SLIT3: variants seen among roughly 807,000 people sequenced by gnomAD.
SLIT3 encodes slit guidance ligand 3, also known as slit homolog 3 protein.
SLIT3 carries 68 observed loss-of-function variants against 184.0 expected under a neutral mutation model. The observed-to-expected ratio is 0.37, with a 90% CI of 0.30 to 0.45. The LOEUF is 0.45. Among genes scored for constraint, SLIT3 ranks in the 20% least tolerant of loss-of-function variants. SLIT3 has a pLI of 1.00. For missense variants in SLIT3, 1,707 were observed against 2,026.0 expected (o/e 0.84, Z 3.02); for synonymous variants, 831 against 828.6 (o/e 1.00, Z -0.05).
At chr5:168,921,203 C>T (rs767105147) in intron 4 of SLIT3, among the ~76,000 whole-genome samples, 1 of 152,206 alleles carries the variant, frequency 6.6e-6, no homozygotes, top group Non-Finnish European at 1.5e-5. Flanking sequence ...AAATAGCTCT[C>T]CTTTCCTTGC....
chr5:169,150,708 T>C (rs1000709347), intron 4 of SLIT3, among the ~76,000 whole-genome samples: 8 of 152,188 alleles, frequency 5.3e-5, no homozygotes, highest in Non-Finnish European at 7.3e-5. Context: ...GTTTTAATAC[T>C]AATGCATTGT....
chr5:169,286,143 A>G (rs1767143820), intron 1 of SLIT3, among the ~76,000 whole-genome samples: 1 of 152,124 alleles, frequency 6.6e-6, no homozygotes, highest in African/African-American at 2.4e-5. Context: ...CATGCCTAAG[A>G]TTACTTAGCT....
chr5:168,703,002 G>A (rs907976711), intron 26 of SLIT3, among the ~76,000 whole-genome samples: 3 of 152,138 alleles, frequency 2.0e-5, no homozygotes, highest in African/African-American at 7.2e-5. Flanking sequence ...AGCCCTTTAC[G>A]CCAAGCACAG....
rs749481467 is a variant in SLIT3, at chr5:168,883,342, C to G, written c.414-6G>C. The G allele has an allele frequency of 1.2e-6, 2 of 1,612,114 alleles. No homozygotes were observed. The highest frequency in any genetic ancestry group is 3.3e-5 in the Admixed American group (2 of 60,020). ...TCTGGTTTTCACTCAAATCTCTAAA[C>G]AAGAAGAGAAGAGGCACACTGCATT... On this transcript the variant is annotated splice_polypyrimidine_tract_variant and splice_region_variant and intron_variant, in intron 4 of 35. Transcript: ENST00000519560.
intron 1 of SLIT3, among the ~76,000 whole-genome samples, chr5:169,281,201 G>A (rs1766980692): frequency 6.6e-6 from 1 of 152,184 alleles, no homozygotes; most frequent in Non-Finnish European, 1.5e-5. Flanking sequence ...AAAATGGTAG[G>A]GGGAGGCTGG....
rs553067721 is a variant in SLIT3, at chr5:168,910,965, A to G, written c.414-27629T>C. On this transcript the variant is annotated intron_variant, in intron 4 of 35. Coordinates refer to ENST00000519560, the MANE Select transcript of SLIT3 (RefSeq NM_003062.4). ...CCTCATGCCTTTTTGTAAAGAAAAC[A>G]CTCATGAAAATATTAGACCTTAGAA... 2.0e-5 allele frequency among the ~76,000 whole-genome samples: 3 copies of G among 152,144 alleles called. No individual in the cohort carries two copies. The East Asian group carries it at 5.8e-4, about 29-fold the overall frequency.
intron 23 of SLIT3, among the ~76,000 whole-genome samples, chr5:168,714,336 G>A (rs1300847500): frequency 2.6e-5 from 4 of 152,182 alleles, no homozygotes; most frequent in Non-Finnish European, 5.9e-5. Flanking sequence ...CCCTGGAGAG[G>A]CATGAGGCCT....
intron 4 of SLIT3, chr5:169,022,170 G>A (rs1171198228): frequency 6.6e-6 from 1 of 152,264 alleles, no homozygotes; most frequent in Non-Finnish European, 1.5e-5. Flanking sequence ...ATGGCAATGA[G>A]CGGCATCGCC....
At chr5:168,948,180 C>A (rs1267867269) in intron 4 of SLIT3, among the ~76,000 whole-genome samples, 1 of 152,160 alleles carries the variant, frequency 6.6e-6, no homozygotes, top group East Asian at 1.9e-4. Flanking sequence ...TCTGCCGGAC[C>A]TGACGCGCCA....
chr5:169,081,817 C>T (rs1031224757), intron 4 of SLIT3, among the ~76,000 whole-genome samples: 1 of 152,208 alleles, frequency 6.6e-6, no homozygotes, highest in African/African-American at 2.4e-5. Context: ...GTGCTTTGCT[C>T]TTACATACAC....
chr5:169,238,521 T>G (rs1250969143), intron 3 of SLIT3, among the ~76,000 whole-genome samples: 2 of 150,330 alleles, frequency 1.3e-5, no homozygotes, highest in Admixed American at 1.3e-4. Flanking sequence ...CCCTGTAGTT[T>G]TAGAATGGAG....
chr5:168,733,246 T>A (rs1289873209), intron 20 of SLIT3, among the ~76,000 whole-genome samples: 3 of 152,054 alleles, frequency 2.0e-5, no homozygotes, highest in Non-Finnish European at 1.5e-5. Flanking sequence ...AGATACCATA[T>A]CATATCAGCA....
intron 4 of SLIT3, among the ~76,000 whole-genome samples, chr5:169,006,578 T>TTCTCTC (rs369079733): frequency 0.013 from 1,752 of 140,124 alleles, 13 homozygotes; most frequent in Non-Finnish European, 0.013. Context: ...TTTCCCCCTC[T>TTCTCTC]TCTCTCTCTC....
At position 168,823,313 on chromosome 5, in the gene SLIT3, G is replaced by A; in HGVS notation, c.576C>T (p.Asn192=). 6.2e-7 allele frequency: 1 copy of A among 1,610,732 alleles called. No homozygotes were observed. Among genetic ancestry groups the A allele is most frequent in the Non-Finnish European group, 8.5e-7 (1 of 1,177,024 alleles). ...DLEILTLNNN[N]ISRILVTSFN... ...AGCTGGTGACCAGGATGCGACTGAT[G>A]TTGTTGTTGTTGAGGGTACTGTGGA... The change falls in exon 7 of 36, where the codon AAC becomes AAT. Residue 192 remains asparagine, a synonymous_variant. Transcript: ENST00000519560.
chr5:168,779,840 TAAC>T (rs1561928757), intron 12 of SLIT3, among the ~76,000 whole-genome samples: 1 of 152,124 alleles, frequency 6.6e-6, no homozygotes, highest in Non-Finnish European at 1.5e-5. Flanking sequence ...GGGGTCCAGG[TAAC>T]ATGGGGAGAT....
intron 35 of SLIT3, among the ~76,000 whole-genome samples, 167 bp downstream of exon 35, chr5:168,669,616 T>C (rs560257990): frequency 6.6e-6 from 1 of 152,162 alleles, no homozygotes; most frequent in South Asian, 2.1e-4. Context: ...CAGGAAGGTA[T>C]AGTATTGCCT....
intron 5 of SLIT3, among the ~76,000 whole-genome samples, chr5:168,867,015 C>A (rs780684042): frequency 5.3e-5 from 8 of 152,192 alleles, no homozygotes; most frequent in Non-Finnish European, 7.3e-5. Flanking sequence ...CTGTATTCTG[C>A]ATGCCAGTCG....
intron 4 of SLIT3, among the ~76,000 whole-genome samples, chr5:169,113,921 T>A (rs1006168642): frequency 1.3e-5 from 2 of 152,156 alleles, no homozygotes; most frequent in Non-Finnish European, 2.9e-5. Context: ...CCCAAAGTGC[T>A]GGGATTACAA....
intron 4 of SLIT3, among the ~76,000 whole-genome samples, chr5:168,987,239 C>T (rs575913251): frequency 6.6e-6 from 1 of 152,288 alleles, no homozygotes; most frequent in Non-Finnish European, 1.5e-5. Context: ...GATTCCACTG[C>T]TTTTGATGTC....
Sources: allele counts gnomAD v4.1 joint callset (sites outside exome capture counted in the v4.1 genomes callset), GRCh38; gene constraint gnomAD v4.1.1; transcripts MANE v1.5; gene names NCBI Gene and HGNC (gene_info 2026-07-23, HGNC 2026-07-21).